The following THSD7B variants were observed in gnomAD, a reference collection of about 807,000 sequenced individuals.
THSD7B encodes the protein thrombospondin type 1 domain containing 7B.
In THSD7B, 138 loss-of-function variants were observed where a neutral mutation model predicts 213.6. The ratio of observed to expected loss-of-function variants is 0.65; its 90% CI spans 0.56 to 0.74. THSD7B has a LOEUF of 0.74. Among genes scored for constraint, THSD7B ranks in the 30% least tolerant of loss-of-function variants. The pLI is 0.00. For missense variants in THSD7B, 1,931 were observed against 1,991.5 expected (o/e 0.97, Z 0.58); for synonymous variants, 742 against 687.0 (o/e 1.08, Z -1.25).
At chr2:137,189,678 G>A (rs1246932834) in intron 7 of THSD7B, among the ~76,000 whole-genome samples, 1 of 151,782 alleles carries the variant, frequency 6.6e-6, no homozygotes, top group South Asian at 2.1e-4. Context: ...ACCATGCTCT[G>A]CATTGCATGT....
chr2:136,784,817 T>TAA (rs1681811150), intron 1 of THSD7B, among the ~76,000 whole-genome samples: 1 of 152,170 alleles, frequency 6.6e-6, no homozygotes, highest in African/African-American at 2.4e-5. Flanking sequence ...TCTAAACAGG[T>TAA]ATAAATTATT....
At chr2:137,665,433 A>C (rs569843346) in intron 26 of THSD7B, among the ~76,000 whole-genome samples, 1 of 152,044 alleles carries the variant, frequency 6.6e-6, no homozygotes, top group South Asian at 2.1e-4. Context: ...TTGGTATATA[A>C]ATTGCATGTG....
rs180694216 is a variant in THSD7B, at chr2:137,306,523, C to T, written c.2500+30497C>T. 4.6e-5 allele frequency among the ~76,000 whole-genome samples: 7 copies of T among 152,198 alleles called. No individual in the cohort carries two copies. The East Asian group carries it at 1.2e-3, about 25-fold the overall frequency. On this transcript the variant is annotated intron_variant, in intron 12 of 27. Transcript: ENST00000409968. ...TCAATGTGTTTATCATCACCATCAT[C>T]ATTATTCTCATCGTCATTTATTGTG...
intron 7 of THSD7B, among the ~76,000 whole-genome samples, chr2:137,204,602 AG>A (rs1680943700): frequency 6.6e-6 from 1 of 152,168 alleles, no homozygotes; most frequent in African/African-American, 2.4e-5. Flanking sequence ...ACACCATTTC[AG>A]AAATGAGACA....
chr2:136,840,547 T>C (rs960309840), intron 1 of THSD7B, among the ~76,000 whole-genome samples: 13 of 152,106 alleles, frequency 8.5e-5, no homozygotes, highest in African/African-American at 3.1e-4. Flanking sequence ...TGGTGTGTTA[T>C]CTAAAATCAC....
intron 2 of THSD7B, among the ~76,000 whole-genome samples, 165 bp downstream of exon 2, chr2:136,882,482 T>C (rs1683643016): frequency 6.6e-6 from 1 of 152,208 alleles, no homozygotes; most frequent in Non-Finnish European, 1.5e-5. Context: ...TACTCCTGCA[T>C]AATTGTCTTC....
chr2:137,108,518 A>G (rs1017304858), intron 4 of THSD7B, among the ~76,000 whole-genome samples: 26 of 152,136 alleles, frequency 1.7e-4, no homozygotes, highest in African/African-American at 3.1e-4. Flanking sequence ...CAGCATCACT[A>G]TCAGGAAGTC....
intron 17 of THSD7B, among the ~76,000 whole-genome samples, chr2:137,592,285 G>A (rs1204573740): frequency 6.6e-6 from 1 of 151,522 alleles, no homozygotes. Context: ...CAAATTTTTT[G>A]TATTTTGTCA....
chr2:137,387,902 A>C (rs996091847), intron 12 of THSD7B, among the ~76,000 whole-genome samples: 2 of 152,182 alleles, frequency 1.3e-5, no homozygotes, highest in African/African-American at 4.8e-5. Flanking sequence ...TGCTACTGTT[A>C]TCTCTCTACC....
intron 12 of THSD7B, among the ~76,000 whole-genome samples, chr2:137,391,622 G>A (rs1686029072): frequency 6.6e-6 from 1 of 151,858 alleles, no homozygotes; most frequent in African/African-American, 2.4e-5. Context: ...AGGAGGCGGA[G>A]GTTGTGGTGA....
chr2:137,505,988 T>C (rs1170333535), intron 15 of THSD7B, among the ~76,000 whole-genome samples: 3 of 152,180 alleles, frequency 2.0e-5, no homozygotes, highest in East Asian at 3.9e-4. Context: ...ATAGTGATCC[T>C]GTGTGTAGGA....
At chr2:137,457,591 A>G (rs1687787547) in intron 15 of THSD7B, among the ~76,000 whole-genome samples, 1 of 152,180 alleles carries the variant, frequency 6.6e-6, no homozygotes, top group South Asian at 2.1e-4. Context: ...ATCATCTGTA[A>G]TTTTGCAAAA....
At chr2:136,990,966 G>A in intron 2 of THSD7B, 1 of 1,325,080 alleles carries the variant, frequency 7.5e-7, no homozygotes, top group Non-Finnish European at 1.0e-6. Flanking sequence ...ATGTGGGAAA[G>A]ACATCAAAAC....
intron 12 of THSD7B, among the ~76,000 whole-genome samples, chr2:137,326,645 G>C (rs968116543): frequency 6.6e-6 from 1 of 152,142 alleles, no homozygotes; most frequent in African/African-American, 2.4e-5. Flanking sequence ...AGTAACAAAA[G>C]CTATCAGTTA....
chr2:137,667,948 C>A, intron 27 of THSD7B, 87 bp downstream of exon 27: 1 of 1,071,344 alleles, frequency 9.3e-7, no homozygotes, highest in Non-Finnish European at 1.3e-6. Context: ...GATCATTGCC[C>A]ATTATAACAG....
intron 2 of THSD7B, among the ~76,000 whole-genome samples, chr2:136,946,242 T>A (rs1160954711): frequency 6.6e-6 from 1 of 152,174 alleles, no homozygotes; most frequent in Non-Finnish European, 1.5e-5. Context: ...TCTGTTGGAG[T>A]GTGCTGGAGG....
intron 15 of THSD7B, among the ~76,000 whole-genome samples, chr2:137,459,106 C>T (rs1417767705): frequency 1.3e-5 from 2 of 151,740 alleles, no homozygotes; most frequent in African/African-American, 4.8e-5. Context: ...TTTTTAAGGA[C>T]CTCTTATACT....
chr2:137,497,603 A>ATG lies in THSD7B; in HGVS notation c.3138+46594_3138+46595dup, dbSNP rs3048506. On this transcript the variant is annotated intron_variant, in intron 15 of 27. Transcript: ENST00000409968. ...CATACATATCTGTATATATATATGT[A>ATG]TGTGTGTGTGTGTGTTATGTGTGTG... Among the ~76,000 whole-genome samples, 23 of 151,198 alleles carry ATG rather than the reference A, an allele frequency of 1.5e-4. No individual in the cohort carries two copies. The East Asian group carries it at 2.1e-3, about 14-fold the overall frequency.
intron 3 of THSD7B, among the ~76,000 whole-genome samples, chr2:137,071,876 A>G (rs1266110873): frequency 2.0e-5 from 3 of 152,170 alleles, no homozygotes; most frequent in Admixed American, 6.5e-5. Context: ...TCCTTTCCCC[A>G]TTTCTTGTTT....
Sources: gnomAD v4.1 joint callset for allele counts (sites outside exome capture counted in the v4.1 genomes callset) on GRCh38, gnomAD v4.1.1 for gene constraint, MANE v1.5 for transcripts, NCBI Gene and HGNC (gene_info 2026-07-23, HGNC 2026-07-21) for gene names.